Variants in DTL observed in about 807,000 individuals in gnomAD.
DTL encodes denticleless E3 ubiquitin protein ligase adapter.
DTL carries 46 observed loss-of-function variants against 87.0 expected under a neutral mutation model. The observed-to-expected ratio is 0.53, with a 90% CI of 0.42 to 0.68. DTL has a LOEUF of 0.68. DTL is among the 30% of genes least tolerant of loss of function. The pLI is 0.00. For missense variants in DTL, 737 were observed against 869.4 expected, an observed-to-expected ratio of 0.85 and a Z score of 1.91; for synonymous variants, 308 against 311.2, an observed-to-expected ratio of 0.99 and a Z score of 0.11.
chr1:212,072,113 A>G lies in DTL; in HGVS notation c.935A>G (p.Asn312Ser), dbSNP rs144876166. 407 of 1,613,786 alleles carry G rather than the reference A, an allele frequency of 2.5e-4. No homozygotes were observed. The highest frequency in any genetic ancestry group is 2.0e-3 in the Middle Eastern group (12 of 6,082). ...TTTCCTCTGGCAGTGGCTATTTTCAATGGACACCAGAACTCTACCTTTTAT... is the reference window on the plus strand; with the variant it reads ...TTTCCTCTGGCAGTGGCTATTTTCAGTGGACACCAGAACTCTACCTTTTAT... ...GLKTSPVAIF[N>S]GHQNSTFYVK... The change falls in exon 11 of 15, where the codon AAT becomes AGT. Residue 312 changes from asparagine to serine, a missense_variant. Physicochemically the swap from Asn to Ser is conservative, Grantham distance 46. Transcript: ENST00000366991.
At chr1:212,063,522 C>A (rs1654399473) in intron 6 of DTL, among the ~76,000 whole-genome samples, 1 of 151,908 alleles carries the variant, frequency 6.6e-6, no homozygotes, top group East Asian at 1.9e-4. Flanking sequence ...AACTCCTGAC[C>A]TCAAGTGATC....
chr1:212,094,516 GT>G (rs1200191028), intron 13 of DTL, among the ~76,000 whole-genome samples: 1 of 152,194 alleles, frequency 6.6e-6, no homozygotes, highest in Non-Finnish European at 1.5e-5. Flanking sequence ...TTGTAGTGTA[GT>G]TTGAAGTCAG....
chr1:212,059,676 A>T (rs187010553), intron 5 of DTL, among the ~76,000 whole-genome samples: 4 of 151,520 alleles, frequency 2.6e-5, no homozygotes, highest in Non-Finnish European at 5.9e-5. Context: ...ACCCAGAGCA[A>T]TCAGGCCAGA....
Position 212,104,183 on chromosome 1 carries a change from T to C in DTL, c.*1243T>C, listed in dbSNP as rs972418091. The stretch of plus-strand genomic sequence containing the variant: ...GCTTTACATACTTTCTATGTACTAT[T>C]TACTTAGAAGGGAGCCCCCTTCCAG... On this transcript the variant is annotated 3_prime_UTR_variant, in exon 15 of 15. Coordinates refer to ENST00000366991, the MANE Select transcript of DTL (RefSeq NM_016448.4). 2.0e-5 allele frequency: 3 copies of C among 152,020 alleles called. No individual in the cohort carries two copies. The highest frequency in any genetic ancestry group is 4.4e-5 in the Non-Finnish European group (3 of 67,986). 9.4% of individuals were successfully genotyped at this position (152,020 alleles called of 1,614,324 possible).
chr1:212,103,212 A>T lies in DTL; in HGVS notation c.*272A>T, dbSNP rs2102592218. 4.9e-6 allele frequency: 1 copy of T among 204,730 alleles called. No homozygotes were observed. Among genetic ancestry groups the T allele is most frequent in the East Asian group, 1.1e-4 (1 of 8,894 alleles). The allele number at this position is 204,730 out of a possible 1,614,324, so 12.7% of individuals were successfully genotyped here. A position where few individuals can be genotyped will look rare whatever the true frequency, so the allele number is the denominator to read the frequency against. Reference sequence around the variant, plus strand: ...CTAGCATTTTGAATGAATAGTCTTCACTTTTTAAATTATTCATCTTCTCTA... The same window carrying T: ...CTAGCATTTTGAATGAATAGTCTTCTCTTTTTAAATTATTCATCTTCTCTA... On this transcript the variant is annotated 3_prime_UTR_variant, in exon 15 of 15. Coordinates refer to ENST00000366991, the MANE Select transcript of DTL (RefSeq NM_016448.4).
At chr1:212,086,696 TTTC>T (rs1655140305) in intron 13 of DTL, among the ~76,000 whole-genome samples, 2 of 152,208 alleles carry the variant, frequency 1.3e-5, no homozygotes, top group African/African-American at 4.8e-5. Flanking sequence ...CCTTAAGTAC[TTTC>T]TATGTTATCT....
In DTL at chr1:212,101,030, G is replaced by A. The variant is rs192459253; in HGVS notation, c.2040G>A (p.Pro680=). 1.2e-5 allele frequency: 19 copies of A among 1,613,642 alleles called. No homozygotes were observed. The East Asian group carries it at 2.9e-4, about 25-fold the overall frequency. Residue 680 remains proline (P), a synonymous_variant, in exon 14 of 15, where the codon CCG becomes CCA. Coordinates refer to ENST00000366991, the MANE Select transcript of DTL (RefSeq NM_016448.4). ...RKAENPSPRS[P]SSQTPNSRRQ... is the part of the protein sequence containing the mutation. ...CTGAGAATCCATCTCCACGAAGTCC[G>A]TCATCCCAGACACCCAATTCCAGGA...
Position 212,054,709 on chromosome 1 carries a change from C to T in DTL, c.460+7292C>T, listed in dbSNP as rs535282821. Among the ~76,000 whole-genome samples the T allele has an allele frequency of 2.2e-4, 33 of 149,372 alleles. 1 individual carries two copies. The South Asian group carries it at 6.4e-3, about 29-fold the overall frequency. On this transcript the variant is annotated intron_variant, in intron 5 of 14. Coordinates refer to ENST00000366991, the MANE Select transcript of DTL (RefSeq NM_016448.4). ...ACTCGGGAGGCTGAGGCGGGAGAAG[C>T]GCTTGAACCTGGGAGACAGAGGTTG...
At position 212,035,802 on chromosome 1, in the gene DTL, T is replaced by A; in HGVS notation, c.-89T>A. 2 of 1,297,484 alleles carry A rather than the reference T, an allele frequency of 1.5e-6. No homozygotes were observed. The highest frequency in any genetic ancestry group is 2.2e-6 in the Non-Finnish European group (2 of 908,032). The allele number at this position is 1,297,484 out of a possible 1,614,324, so 80.4% of individuals were successfully genotyped here. On this transcript the variant is annotated 5_prime_UTR_variant, in exon 1 of 15. Coordinates refer to ENST00000366991, the MANE Select transcript of DTL (RefSeq NM_016448.4). Reference sequence around the variant, plus strand: ...GGGAGTTGGAGGCGATAACGATTTGTGTTGTGAGAGGCGCAAGCTGCGATT... The same window carrying A: ...GGGAGTTGGAGGCGATAACGATTTGAGTTGTGAGAGGCGCAAGCTGCGATT...
intron 8 of DTL, among the ~76,000 whole-genome samples, chr1:212,067,552 A>C (rs1387376712): frequency 1.3e-5 from 2 of 152,208 alleles, no homozygotes; most frequent in East Asian, 1.9e-4. Flanking sequence ...ATGGCTTACC[A>C]AACTAGGATT....
intron 13 of DTL, among the ~76,000 whole-genome samples, chr1:212,086,049 A>C (rs1655120248): frequency 6.6e-6 from 1 of 152,094 alleles, no homozygotes; most frequent in Non-Finnish European, 1.5e-5. Context: ...AGGTTTTGAA[A>C]TCCTACTTCT....
rs997142702 is a variant in DTL, at chr1:212,064,624, C to A, written c.527-293C>A. 2.6e-5 allele frequency among the ~76,000 whole-genome samples: 4 copies of A among 152,200 alleles called. No individual in the cohort carries two copies. The South Asian group carries it at 8.3e-4, about 31-fold the overall frequency. Reference sequence around the variant, plus strand: ...TTTTATGGCTTTATCAAGCTCATTTCTTTCCAGTGCTGAATAATATTCCAT... The same window carrying A: ...TTTTATGGCTTTATCAAGCTCATTTATTTCCAGTGCTGAATAATATTCCAT... On this transcript the variant is annotated intron_variant, in intron 6 of 14. Transcript: ENST00000366991.
At position 212,035,752 on chromosome 1, in the gene DTL, T is replaced by G; in HGVS notation, c.-139T>G. 1.2e-6 allele frequency: 1 copy of G among 848,762 alleles called. No homozygotes were observed. The highest frequency in any genetic ancestry group is 1.5e-5 in the South Asian group (1 of 64,884). The allele number at this position is 848,762 out of a possible 1,614,324, so 52.6% of individuals were successfully genotyped here. A position where few individuals can be genotyped will look rare whatever the true frequency, so the allele number is the denominator to read the frequency against. ...AGCGTGACGTCAGTTTGGCGCGGAG[T>G]TTGGCGGCCGGGGCTTACAGTGGCG... On this transcript the variant is annotated 5_prime_UTR_variant, in exon 1 of 15. Coordinates refer to ENST00000366991, the MANE Select transcript of DTL (RefSeq NM_016448.4).
chr1:212,090,746 G>A (rs556561555), intron 13 of DTL, among the ~76,000 whole-genome samples: 11 of 152,338 alleles, frequency 7.2e-5, no homozygotes, highest in African/African-American at 2.6e-4. Context: ...GAAAATAGTA[G>A]TCATTTGTAA....
intron 11 of DTL, among the ~76,000 whole-genome samples, chr1:212,077,320 GTACATAA>G (rs1654860063): frequency 6.6e-6 from 1 of 152,102 alleles, no homozygotes; most frequent in African/African-American, 2.4e-5. Context: ...GCTGTCAAAT[GTACATAA>G]CTGGTGGCAT....
intron 13 of DTL, 78 bp downstream of exon 13, chr1:212,080,828 TTGA>T (rs1481131282): frequency 7.0e-7 from 1 of 1,437,154 alleles, no homozygotes; most frequent in East Asian, 2.3e-5. Context: ...TAAGCTAGAT[TTGA>T]TCTTGCTTTG....
At chr1:212,041,379 G>C (rs914286938) in intron 1 of DTL, among the ~76,000 whole-genome samples, 2 of 150,908 alleles carry the variant, frequency 1.3e-5, no homozygotes, top group Non-Finnish European at 3.0e-5. Flanking sequence ...TTTTTATTTT[G>C]CAGTTGATTT....
chr1:212,063,805 A>C (rs1049688710), intron 6 of DTL, among the ~76,000 whole-genome samples: 3 of 152,186 alleles, frequency 2.0e-5, no homozygotes, highest in Admixed American at 6.6e-5. Flanking sequence ...TGATCAAATC[A>C]GGATAATTGG....
chr1:212,082,470 G>C (rs754346912), intron 13 of DTL, among the ~76,000 whole-genome samples: 32 of 152,280 alleles, frequency 2.1e-4, no homozygotes, highest in Middle Eastern at 6.8e-3. Context: ...CGTATAGAGA[G>C]GGGGAGATTG....
Sources: allele counts gnomAD v4.1 joint callset (sites outside exome capture counted in the v4.1 genomes callset), GRCh38; gene constraint gnomAD v4.1.1; transcripts MANE v1.5; gene names NCBI Gene and HGNC (gene_info 2026-07-23, HGNC 2026-07-21).